The following CPA6 variants were observed in gnomAD, a reference collection of about 807,000 sequenced individuals.
CPA6 encodes the protein carboxypeptidase A6.
CPA6 carries 58 observed loss-of-function variants against 63.3 expected under a neutral mutation model. The ratio of observed to expected loss-of-function variants is 0.92; its 90% CI spans 0.74 to 1.14. The LOEUF (loss-of-function observed/expected upper bound fraction) is 1.14, where lower values mean the gene tolerates loss of function less well. Among genes scored for constraint, CPA6 ranks in the 50% most tolerant of loss-of-function variants. CPA6 has a pLI of 0.00. For missense variants in CPA6, 565 were observed against 526.6 expected (o/e 1.07, Z -0.71); for synonymous variants, 185 against 179.0 (o/e 1.03, Z -0.27).
chr8:67,706,833 T>C (rs1817145812), intron 1 of CPA6, among the ~76,000 whole-genome samples: 1 of 152,224 alleles, frequency 6.6e-6, no homozygotes, highest in South Asian at 2.1e-4. Context: ...TAAGGATTTA[T>C]TAAGAATTGG....
intron 6 of CPA6, among the ~76,000 whole-genome samples, chr8:67,496,600 G>A (rs1217938714): frequency 2.3e-5 from 3 of 129,970 alleles, no homozygotes; most frequent in Non-Finnish European, 4.8e-5. Flanking sequence ...TCTCTCTGTT[G>A]CCCAGGCTAG....
intron 2 of CPA6, among the ~76,000 whole-genome samples, chr8:67,589,023 T>A (rs1420195628): frequency 1.3e-5 from 2 of 151,152 alleles, no homozygotes; most frequent in African/African-American, 4.9e-5. Context: ...GAGGCTGAGG[T>A]AGGAGGATCA....
At chr8:67,694,376 T>A (rs1282194033) in intron 1 of CPA6, among the ~76,000 whole-genome samples, 2 of 152,240 alleles carry the variant, frequency 1.3e-5, no homozygotes, top group African/African-American at 4.8e-5. Context: ...CTTGGCCTGC[T>A]GCTGGGGCTT....
chr8:67,685,380 G>A (rs1009766662), intron 1 of CPA6, among the ~76,000 whole-genome samples: 41 of 152,152 alleles, frequency 2.7e-4, no homozygotes, highest in Admixed American at 5.9e-4. Flanking sequence ...CACTTTGGGA[G>A]GCCGAGGCAG....
At chr8:67,693,630 A>C (rs1816856317) in intron 1 of CPA6, among the ~76,000 whole-genome samples, 1 of 152,218 alleles carries the variant, frequency 6.6e-6, no homozygotes, top group Non-Finnish European at 1.5e-5. Context: ...GAGGCCCTGG[A>C]GAGCTCCCTC....
intron 2 of CPA6, among the ~76,000 whole-genome samples, chr8:67,573,891 C>CAAAAAAAAAAAAAAAA (rs34145304): frequency 3.0e-5 from 1 of 33,486 alleles, no homozygotes; most frequent in African/African-American, 1.1e-4. Context: ...GACTCCGTCT[C>CAAAAAAAAAAAAAAAA]AAAAAAAAAA....
At chr8:67,458,277 A>C (rs1285437117) in intron 8 of CPA6, among the ~76,000 whole-genome samples, 1 of 152,036 alleles carries the variant, frequency 6.6e-6, no homozygotes, top group Non-Finnish European at 1.5e-5. Context: ...GCTCACTGCA[A>C]CCTCCACCTC....
chr8:67,456,358 A>C (rs910748220), intron 8 of CPA6, among the ~76,000 whole-genome samples: 2 of 152,172 alleles, frequency 1.3e-5, no homozygotes, highest in African/African-American at 4.8e-5. Flanking sequence ...ATGGCACCTG[A>C]TTGCCCAAAC....
intron 2 of CPA6, among the ~76,000 whole-genome samples, chr8:67,603,857 C>G (rs1275094240): frequency 6.6e-6 from 1 of 152,234 alleles, no homozygotes; most frequent in Non-Finnish European, 1.5e-5. Context: ...TGCCTCCACT[C>G]TCTTTCATAG....
intron 2 of CPA6, among the ~76,000 whole-genome samples, chr8:67,607,602 C>T (rs1342199331): frequency 8.6e-5 from 13 of 152,024 alleles, no homozygotes; most frequent in Non-Finnish European, 1.9e-4. Flanking sequence ...TACCTTTCTA[C>T]AAGTGAGAAG....
At chr8:67,439,612 GAAAA>G (rs1810244269) in intron 8 of CPA6, among the ~76,000 whole-genome samples, 1 of 150,366 alleles carries the variant, frequency 6.7e-6, no homozygotes, top group South Asian at 2.1e-4. Flanking sequence ...GAAAGAAAAA[GAAAA>G]AGAAAGAAAA....
chr8:67,688,507 A>G (rs537980234), intron 1 of CPA6, among the ~76,000 whole-genome samples: 8 of 152,280 alleles, frequency 5.3e-5, no homozygotes, highest in Non-Finnish European at 8.8e-5. Context: ...AAACAACCTC[A>G]CAAAATCCTA....
intron 1 of CPA6, among the ~76,000 whole-genome samples, chr8:67,640,510 G>C (rs1209022138): frequency 6.6e-6 from 1 of 151,170 alleles, no homozygotes; most frequent in Non-Finnish European, 1.5e-5. Flanking sequence ...GTGGCGAGAA[G>C]TCAGACAGCA....
At chr8:67,688,563 C>A (rs927787064) in intron 1 of CPA6, among the ~76,000 whole-genome samples, 1 of 152,136 alleles carries the variant, frequency 6.6e-6, no homozygotes, top group African/African-American at 2.4e-5. Context: ...TCAAGGGAAT[C>A]GTATTGCAGG....
chr8:67,543,222 A>G (rs1812743332), intron 2 of CPA6, among the ~76,000 whole-genome samples: 3 of 152,210 alleles, frequency 2.0e-5, no homozygotes, highest in Admixed American at 6.5e-5. Flanking sequence ...TCTCAAGCAA[A>G]ATAGAAATGA....
At chr8:67,685,990 G>C (rs1170035981) in intron 1 of CPA6, among the ~76,000 whole-genome samples, 1 of 152,132 alleles carries the variant, frequency 6.6e-6, no homozygotes, top group East Asian at 1.9e-4. Context: ...ACCCTGTTAG[G>C]TTTCTTCACA....
At chr8:67,520,087 T>G (rs564948978) in intron 2 of CPA6, among the ~76,000 whole-genome samples, 86 of 152,286 alleles carry the variant, frequency 5.6e-4, no homozygotes, top group Admixed American at 1.3e-3. Context: ...TCTAAACCCA[T>G]TACAGAGGCA....
chr8:67,574,614 G>T (rs1214803056), intron 2 of CPA6, among the ~76,000 whole-genome samples: 5 of 152,228 alleles, frequency 3.3e-5, no homozygotes, highest in African/African-American at 7.2e-5. Flanking sequence ...ACTTGACAAA[G>T]GTGCCAAGAA....
chr8:67,539,691 G>A (rs778204900), intron 2 of CPA6, among the ~76,000 whole-genome samples: 28 of 152,024 alleles, frequency 1.8e-4, no homozygotes, highest in South Asian at 1.0e-3. Flanking sequence ...GGCTTTGTTC[G>A]TTCTTTTTCA....
Sources: allele counts gnomAD v4.1 joint callset (sites outside exome capture counted in the v4.1 genomes callset), GRCh38; gene constraint gnomAD v4.1.1; transcripts MANE v1.5; gene names NCBI Gene and HGNC (gene_info 2026-07-23, HGNC 2026-07-21).